ANK3: variants seen among roughly 807,000 people sequenced by gnomAD.
ANK3 encodes ankyrin 3.
Under a neutral mutation model 370.9 loss-of-function variants are expected in ANK3, and 57 were observed. That is an observed-to-expected ratio of 0.15 (90% confidence interval 0.12 to 0.19). The LOEUF (loss-of-function observed/expected upper bound fraction) is 0.19. Among genes scored for constraint, ANK3 ranks in the 10% least tolerant of loss-of-function variants. The probability of loss-of-function intolerance (pLI) is 1.00; values close to 1 mark genes in which losing one functional copy is unlikely to be tolerated. For synonymous variants in ANK3, 1,929 were observed against 1,946.3 expected, an observed-to-expected ratio of 0.99 and a Z score of 0.23; for missense variants, 4,439 against 5,302.1, an observed-to-expected ratio of 0.84 and a Z score of 5.06.
At chr10:60,381,215 CT>C (rs199995211) in intron 1 of ANK3, among the ~76,000 whole-genome samples, 6 of 151,230 alleles carry the variant, frequency 4.0e-5, no homozygotes, top group East Asian at 3.9e-4. Flanking sequence ...CCCAAGCAGT[CT>C]TTTTTTTTCC....
At position 60,072,441 on chromosome 10, in the gene ANK3, T is replaced by A; in HGVS notation, c.8440A>T (p.Thr2814Ser). ...GGCATTGCTTTACTTGACATTTCAG[T>A]TCTCTGTTTTTTCACATTATCAGAG... ...SGSDNVKKQR[T>S]EMSSKAMPDS... The change falls in exon 37 of 44, where the codon ACT becomes TCT. Residue 2814 changes from threonine (T) to serine (S), a missense_variant. Coordinates refer to ENST00000280772, the MANE Select transcript of ANK3 (RefSeq NM_020987.5). The A allele has an allele frequency of 6.2e-7, 1 of 1,614,078 alleles. No individual in the cohort carries two copies.
At chr10:60,319,213 G>C (rs1022476877) in intron 1 of ANK3, among the ~76,000 whole-genome samples, 1 of 152,168 alleles carries the variant, frequency 6.6e-6, no homozygotes, top group East Asian at 1.9e-4. Context: ...GATGGTTCTA[G>C]TTCCAAGGCT....
At chr10:60,467,179 A>G (rs2065029906) in intron 2 of ANK3, among the ~76,000 whole-genome samples, 1 of 152,234 alleles carries the variant, frequency 6.6e-6, no homozygotes, top group African/African-American at 2.4e-5. Context: ...CTGACTCAAA[A>G]TGCAATTACT....
chr10:60,226,455 T>C lies in ANK3; in HGVS notation c.897+8233A>G, dbSNP rs1424166943. On this transcript the variant is annotated intron_variant, in intron 8 of 43. Transcript: ENST00000280772. Reference sequence around the variant, plus strand: ...ATAATATATAACATACTATAAAATATAGTATATATACATAGTATATATACT... The same window carrying C: ...ATAATATATAACATACTATAAAATACAGTATATATACATAGTATATATACT... Among the ~76,000 whole-genome samples the C allele has an allele frequency of 2.0e-4, 23 of 113,760 alleles. 1 individual carries two copies. Among genetic ancestry groups the C allele is most frequent in the African/African-American group, 8.1e-4 (23 of 28,556 alleles). 74.6% of individuals were successfully genotyped at this position (113,760 alleles called of 152,430 possible). A position where few individuals can be genotyped will look rare whatever the true frequency, so the allele number is the denominator to read the frequency against.
At chr10:60,362,628 T>C (rs535465414) in intron 1 of ANK3, among the ~76,000 whole-genome samples, 3 of 152,332 alleles carry the variant, frequency 2.0e-5, no homozygotes, top group East Asian at 3.9e-4. Flanking sequence ...CATCAGGGAA[T>C]GTCCAGGGAC....
At chr10:60,582,107 A>C (rs1271944401) in intron 2 of ANK3, among the ~76,000 whole-genome samples, 1 of 152,034 alleles carries the variant, frequency 6.6e-6, no homozygotes, top group East Asian at 1.9e-4. Context: ...AACATCACAC[A>C]CTGGGGCTTG....
intron 7 of ANK3, among the ~76,000 whole-genome samples, chr10:60,244,664 T>C (rs1005707381): frequency 1.3e-5 from 2 of 152,214 alleles, no homozygotes; most frequent in African/African-American, 2.4e-5. Context: ...TTATTTCTAG[T>C]ATATATAGAA....
chr10:60,441,782 T>C (rs2064305667), intron 2 of ANK3, among the ~76,000 whole-genome samples: 1 of 152,216 alleles, frequency 6.6e-6, no homozygotes, highest in Non-Finnish European at 1.5e-5. Flanking sequence ...TTATATATGG[T>C]AAGCTTAAAA....
At chr10:60,375,320 G>A (rs1437822274) in intron 1 of ANK3, among the ~76,000 whole-genome samples, 1 of 152,170 alleles carries the variant, frequency 6.6e-6, no homozygotes, top group Non-Finnish European at 1.5e-5. Context: ...ACAATTCATG[G>A]TTTGCCTACT....
chr10:60,138,116 C>T (rs535855543), intron 24 of ANK3, among the ~76,000 whole-genome samples: 5 of 152,272 alleles, frequency 3.3e-5, no homozygotes, highest in African/African-American at 1.2e-4. Context: ...ACACCAACTA[C>T]ACTGAGAATA....
intron 1 of ANK3, among the ~76,000 whole-genome samples, chr10:60,633,833 T>C (rs1056762638): frequency 1.3e-5 from 2 of 152,196 alleles, no homozygotes; most frequent in Non-Finnish European, 1.5e-5. Flanking sequence ...TTTCTTTCAT[T>C]TTCTCTTAAG....
chr10:60,260,498 C>T (rs900670602), intron 7 of ANK3, among the ~76,000 whole-genome samples: 3 of 152,146 alleles, frequency 2.0e-5, no homozygotes, highest in Non-Finnish European at 4.4e-5. Context: ...ACTTCAAATG[C>T]TACGTTCAAA....
In ANK3 at chr10:60,196,629, A is replaced by G. The variant is rs536701105; in HGVS notation, c.1690-4T>C. On this transcript the variant is annotated splice_region_variant and splice_polypyrimidine_tract_variant and intron_variant, in intron 14 of 43. Transcript: ENST00000280772. ...CATGAAGAGGAGTAAATCCTTTCTG[A>G]AAAAAAAAAAACATAAAAATAATGA... 4 of 1,062,306 alleles carry G rather than the reference A, an allele frequency of 3.8e-6. No homozygotes were observed. The highest frequency in any genetic ancestry group is 3.4e-5 in the South Asian group (2 of 58,156). 65.8% of individuals were successfully genotyped at this position (1,062,306 alleles called of 1,614,324 possible). A position where few individuals can be genotyped will look rare whatever the true frequency, so the allele number is the denominator to read the frequency against.
chr10:60,267,025 C>T (rs1013694940), intron 5 of ANK3, among the ~76,000 whole-genome samples: 2 of 152,078 alleles, frequency 1.3e-5, no homozygotes, highest in African/African-American at 4.8e-5. Context: ...CACAGTAATA[C>T]AAAAACGTTT....
chr10:60,722,318 C>T (rs1200217513), intron 1 of ANK3, among the ~76,000 whole-genome samples: 1 of 152,026 alleles, frequency 6.6e-6, no homozygotes, highest in Non-Finnish European at 1.5e-5. Flanking sequence ...TGGCAGCACA[C>T]CTGTAGTGCC....
chr10:60,284,663 T>C (rs1444084311), intron 1 of ANK3, among the ~76,000 whole-genome samples: 2 of 152,136 alleles, frequency 1.3e-5, no homozygotes, highest in South Asian at 4.1e-4. Flanking sequence ...ATATCTTCCA[T>C]GGATCAGAAT....
intron 24 of ANK3, among the ~76,000 whole-genome samples, chr10:60,134,715 G>A (rs1026019293): frequency 1.3e-5 from 2 of 152,162 alleles, no homozygotes; most frequent in Non-Finnish European, 2.9e-5. Flanking sequence ...GAGATCTTAT[G>A]TTAGAATGTC....
intron 1 of ANK3, among the ~76,000 whole-genome samples, chr10:60,698,205 C>T (rs2079490655): frequency 6.6e-6 from 1 of 151,200 alleles, no homozygotes; most frequent in Non-Finnish European, 1.5e-5. Flanking sequence ...CAATGAGATA[C>T]CATCTCACAC....
intron 2 of ANK3, chr10:60,615,134 C>G: frequency 1.6e-6 from 2 of 1,217,032 alleles, no homozygotes; most frequent in Non-Finnish European, 2.2e-6. Context: ...TAAGAAGAAA[C>G]TTGTCCACAC....
Sources: allele counts gnomAD v4.1 joint callset (sites outside exome capture counted in the v4.1 genomes callset), GRCh38; gene constraint gnomAD v4.1.1; transcripts MANE v1.5; gene names NCBI Gene and HGNC (gene_info 2026-07-23, HGNC 2026-07-21).